The following SLC66A3 variants were observed in gnomAD, a reference collection of about 807,000 sequenced individuals.
The protein encoded by SLC66A3 is solute carrier family 66 member 3, also known as PQ loop repeat containing 3.
A neutral mutation model predicts 25.5 loss-of-function variants in SLC66A3; 23 were observed. The observed-to-expected ratio is 0.90, with a 90% confidence interval of 0.65 to 1.28. The LOEUF is 1.28. Ranked by LOEUF, SLC66A3 falls within the 50% of genes most tolerant of loss-of-function variation. The probability of loss-of-function intolerance (pLI) is 0.00; values close to 1 mark genes in which losing one functional copy is unlikely to be tolerated. For missense variants in SLC66A3, 246 were observed against 262.1 expected, an observed-to-expected ratio of 0.94 and a Z score of 0.42; for synonymous variants, 108 against 112.6, an observed-to-expected ratio of 0.96 and a Z score of 0.26.
At chr2:11,164,539 T>G (rs1435471080) in intron 4 of SLC66A3, among the ~76,000 whole-genome samples, 3 of 150,840 alleles carry the variant, frequency 2.0e-5, no homozygotes, top group Non-Finnish European at 4.4e-5. Context: ...ATTTTTGTTT[T>G]CTTTTTTTTT....
chr2:11,167,695 AG>A (rs1558255497), intron 4 of SLC66A3, among the ~76,000 whole-genome samples: 1 of 152,120 alleles, frequency 6.6e-6, no homozygotes, highest in Non-Finnish European at 1.5e-5. Context: ...CTGAGGTACC[AG>A]GGTCCGGGGC....
At chr2:11,175,403 G>C (rs73915390) in intron 6 of SLC66A3, among the ~76,000 whole-genome samples, 5 of 152,218 alleles carry the variant, frequency 3.3e-5, no homozygotes, top group Non-Finnish European at 5.9e-5. Flanking sequence ...AAGAGTGATC[G>C]TAAGGATGAG....
At chr2:11,169,833 C>CTTTTTTTT (rs1369612743) in intron 4 of SLC66A3, among the ~76,000 whole-genome samples, 3 of 66,688 alleles carry the variant, frequency 4.5e-5, no homozygotes, top group Admixed American at 1.3e-4. Context: ...CCCTGGATTT[C>CTTTTTTTT]TCTCTTTTTT....
chr2:11,176,271 A>G (rs899421359), intron 6 of SLC66A3, among the ~76,000 whole-genome samples: 13 of 152,176 alleles, frequency 8.5e-5, no homozygotes, highest in Non-Finnish European at 1.6e-4. Context: ...GCTGGAGTGC[A>G]GTGGTGTGAT....
chr2:11,165,501 G>A (rs1391511148), intron 4 of SLC66A3, among the ~76,000 whole-genome samples: 3 of 149,780 alleles, frequency 2.0e-5, no homozygotes, highest in South Asian at 2.1e-4. Flanking sequence ...GACGATGGGC[G>A]ACCGGGCAGA....
chr2:11,162,312 T>C (rs1410525629), intron 3 of SLC66A3, among the ~76,000 whole-genome samples: 2 of 152,250 alleles, frequency 1.3e-5, no homozygotes, highest in Middle Eastern at 3.2e-3. Flanking sequence ...ACAGCTGTAC[T>C]GCACCTCAAC....
chr2:11,156,306 T>C (rs140299924), intron 1 of SLC66A3, among the ~76,000 whole-genome samples: 3 of 152,198 alleles, frequency 2.0e-5, no homozygotes, highest in South Asian at 4.1e-4. Flanking sequence ...GGTCGTTAAA[T>C]CCTTGATTCT....
chr2:11,169,835 C>CTTTTTTTTTT (rs1558257033), intron 4 of SLC66A3, among the ~76,000 whole-genome samples: 2 of 85,104 alleles, frequency 2.4e-5, no homozygotes, highest in African/African-American at 3.8e-5. Context: ...CTGGATTTCT[C>CTTTTTTTTTT]TCTTTTTTTT....
rs747334364 is a variant in SLC66A3, at chr2:11,160,660, G to T, written c.262G>T (p.Gly88Trp). The T allele has an allele frequency of 1.2e-6, 2 of 1,613,956 alleles. No homozygotes were observed. Among genetic ancestry groups the T allele is most frequent in the East Asian group, 2.2e-5 (1 of 44,890 alleles). Reference sequence around the variant, plus strand: ...CCTGCTCTGTATCTTTCATTTTAACGGGAACGTGAAGCAGGCCACTCCTTA... The same window carrying T: ...CCTGCTCTGTATCTTTCATTTTAACTGGAACGTGAAGCAGGCCACTCCTTA... ...ILLLCIFHFN[G>W]NVKQATPYIA... Residue 88 changes from glycine (G) to tryptophan (W), a missense_variant, in exon 3 of 7, where the codon GGG becomes TGG. This residue lies in a region of SLC66A3 where 142 missense variants were observed against 130.3 expected (regional missense o/e 1.09). Transcript: ENST00000295083.
intron 4 of SLC66A3, 84 bp downstream of exon 4, chr2:11,164,345 A>ATATATATATTTTTTTTTTTTTTTTTT: frequency 3.6e-4 from 33 of 92,788 alleles, no homozygotes; most frequent in African/African-American, 8.3e-4. Context: ...ATATATATAT[A>ATATATATATTTTTTTTTTTTTTTTTT]TTTTTTTTTT....
intron 1 of SLC66A3, among the ~76,000 whole-genome samples, chr2:11,159,707 G>T (rs1220752721): frequency 6.6e-6 from 1 of 152,162 alleles, no homozygotes; most frequent in African/African-American, 2.4e-5. Context: ...GTGAGAGGGA[G>T]GGAGCCAAAA....
intron 4 of SLC66A3, among the ~76,000 whole-genome samples, chr2:11,168,095 A>G (rs966147082): frequency 6.6e-5 from 10 of 152,222 alleles, no homozygotes; most frequent in South Asian, 2.1e-4. Context: ...CCTGGCTAAC[A>G]CGGTGAAACC....
Position 11,160,470 on chromosome 2 carries a change from C to T in SLC66A3, c.148C>T (p.Leu50=). The change falls in exon 2 of 7, where the codon CTG becomes TTG. Residue 50 remains leucine, a synonymous_variant. Coordinates refer to ENST00000295083, the MANE Select transcript of SLC66A3 (RefSeq NM_152391.5). Reference sequence around the variant, plus strand: ...CATGTGCCCTTCTCTCTCCAGATTCCTGGTGTTTCTGCGGTACCAGTGTTA... The same window carrying T: ...CATGTGCCCTTCTCTCTCCAGATTCTTGGTGTTTCTGCGGTACCAGTGTTA... The part of the protein sequence containing the change: ...PSLLLELAGF[L]VFLRYQCYYG... 1.9e-6 allele frequency: 3 copies of T among 1,614,148 alleles called. No homozygotes were observed. Among genetic ancestry groups the T allele is most frequent in the Non-Finnish European group, 2.5e-6 (3 of 1,180,022 alleles).
chr2:11,161,865 A>T (rs1662142511), intron 3 of SLC66A3, among the ~76,000 whole-genome samples: 1 of 152,188 alleles, frequency 6.6e-6, no homozygotes, highest in African/African-American at 2.4e-5. Flanking sequence ...CTGTCCTGCC[A>T]CATCTGTGAA....
intron 1 of SLC66A3, among the ~76,000 whole-genome samples, chr2:11,157,256 T>C (rs2147979595): frequency 6.6e-6 from 1 of 152,324 alleles, no homozygotes; most frequent in East Asian, 1.9e-4. Flanking sequence ...TTCCTGGGCA[T>C]GGGAGCTCAA....
chr2:11,169,554 C>T (rs1662471110), intron 4 of SLC66A3, among the ~76,000 whole-genome samples: 1 of 152,124 alleles, frequency 6.6e-6, no homozygotes, highest in South Asian at 2.1e-4. Flanking sequence ...GCCGTGCTCC[C>T]CAGTGTCCCT....
At chr2:11,169,361 T>A (rs1234440683) in intron 4 of SLC66A3, among the ~76,000 whole-genome samples, 1 of 152,218 alleles carries the variant, frequency 6.6e-6, no homozygotes, top group African/African-American at 2.4e-5. Flanking sequence ...GTGTTCCCCA[T>A]GAGCTTTCCT....
intron 4 of SLC66A3, among the ~76,000 whole-genome samples, chr2:11,167,957 A>G (rs1436858839): frequency 6.6e-6 from 1 of 152,184 alleles, no homozygotes; most frequent in Non-Finnish European, 1.5e-5. Context: ...CTCATAGTTT[A>G]TTCACAAGAA....
intron 3 of SLC66A3, among the ~76,000 whole-genome samples, chr2:11,162,918 T>C (rs6711488): frequency 0.012 from 1,753 of 152,344 alleles, 26 homozygotes; most frequent in African/African-American, 0.039. Context: ...ATGAATACTT[T>C]TAAATATTGC....
Sources: allele counts gnomAD v4.1 joint callset (sites outside exome capture counted in the v4.1 genomes callset), GRCh38; gene constraint gnomAD v4.1.1; regional missense constraint gnomAD v4.1.1; transcripts MANE v1.5; gene names NCBI Gene and HGNC (gene_info 2026-07-23, HGNC 2026-07-21).